MND1: variants seen among roughly 807,000 people sequenced by gnomAD.
MND1 encodes the protein meiotic nuclear divisions 1, also known as meiotic nuclear division protein 1 homolog.
MND1 carries 28 observed loss-of-function variants against 35.1 expected under a neutral mutation model. That is an observed-to-expected ratio of 0.80 (90% CI 0.59 to 1.09). The LOEUF (loss-of-function observed/expected upper bound fraction) is 1.09. Among genes scored for constraint, MND1 ranks in the 50% least tolerant of loss-of-function variants. MND1 has a pLI of 0.00. For synonymous variants in MND1, 69 were observed against 70.5 expected (o/e 0.98, Z 0.11); for missense variants, 213 against 239.6 (o/e 0.89, Z 0.73).
chr4:153,408,527 A>C (rs1206798060), intron 6 of MND1, among the ~76,000 whole-genome samples: 2 of 152,106 alleles, frequency 1.3e-5, no homozygotes, highest in Admixed American at 1.3e-4. Context: ...CTTATCCCTA[A>C]AATTTTTTTT....
intron 4 of MND1, among the ~76,000 whole-genome samples, chr4:153,393,829 T>C (rs765229366): frequency 6.6e-6 from 1 of 151,202 alleles, no homozygotes; most frequent in Non-Finnish European, 1.5e-5. Flanking sequence ...TTTTTTAAAC[T>C]CTTTTTTTTT....
chr4:153,412,489 T>G (rs1443907079), intron 7 of MND1, among the ~76,000 whole-genome samples: 1 of 151,760 alleles, frequency 6.6e-6, no homozygotes, highest in African/African-American at 2.4e-5. Context: ...ATTTCCTTTT[T>G]TTTTTTTTTT....
intron 4 of MND1, among the ~76,000 whole-genome samples, chr4:153,384,318 T>C (rs1306060533): frequency 7.0e-5 from 10 of 143,518 alleles, no homozygotes; most frequent in African/African-American, 2.6e-4. Flanking sequence ...TTGCACAGGC[T>C]GGAGTGTAGT....
chr4:153,361,843 A>G (rs7669625), intron 4 of MND1, among the ~76,000 whole-genome samples: 2 of 87,384 alleles, frequency 2.3e-5, no homozygotes, highest in African/African-American at 5.6e-5. Context: ...AAAAAAAAGA[A>G]AAAAAAAAGA....
chr4:153,413,027 G>A (rs1012255544), intron 7 of MND1, among the ~76,000 whole-genome samples: 1 of 151,960 alleles, frequency 6.6e-6, no homozygotes, highest in Non-Finnish European at 1.5e-5. Context: ...GGATGGTCTC[G>A]ATCTCTTGAC....
chr4:153,381,093 G>A (rs1390839575), intron 4 of MND1, among the ~76,000 whole-genome samples: 2 of 152,074 alleles, frequency 1.3e-5, no homozygotes, highest in Non-Finnish European at 2.9e-5. Context: ...TAGAGACAGG[G>A]TTTCAACGTG....
At chr4:153,363,933 C>T (rs965583818) in intron 4 of MND1, among the ~76,000 whole-genome samples, 9 of 152,078 alleles carry the variant, frequency 5.9e-5, no homozygotes, top group African/African-American at 2.2e-4. Flanking sequence ...AGGATGGCTA[C>T]TATCAAAAAC....
chr4:153,350,089 A>C lies in MND1; in HGVS notation c.29A>C (p.Glu10Ala). 1 of 1,607,348 alleles carries C rather than the reference A, an allele frequency of 6.2e-7. No homozygotes were observed. The highest frequency in any genetic ancestry group is 1.7e-5 in the Admixed American group (1 of 58,674). Residue 10 changes from glutamate (E) to alanine (A), a missense_variant, in exon 2 of 8, where the codon GAA becomes GCA. By Grantham distance (107) the Glu-to-Ala change is moderately radical. Transcript: ENST00000240488. ...TCAAAGAAAAAAGGACTGAGTGCAG[A>C]AGAAAAGAGAACTCGCATGATGGAA... MSKKKGLSA[E>A]EKRTRMMEIF...
intron 4 of MND1, 50 bp downstream of exon 4, chr4:153,358,672 G>T: frequency 6.6e-7 from 1 of 1,526,036 alleles, no homozygotes; most frequent in Non-Finnish European, 8.8e-7. Context: ...ACGGAGAGTT[G>T]TTTTACTTCA....
chr4:153,371,544 G>C (rs1773789385), intron 4 of MND1, among the ~76,000 whole-genome samples: 1 of 152,002 alleles, frequency 6.6e-6, no homozygotes, highest in African/African-American at 2.4e-5. Context: ...AACTTTATGA[G>C]TCAACCTCTT....
chr4:153,356,573 A>AG (rs1773347472), intron 3 of MND1, among the ~76,000 whole-genome samples: 1 of 150,318 alleles, frequency 6.7e-6, no homozygotes, highest in Non-Finnish European at 1.5e-5. Context: ...AAAAAAAAAA[A>AG]AAAGATATGT....
At chr4:153,392,736 C>A (rs1371876324) in intron 4 of MND1, among the ~76,000 whole-genome samples, 2 of 152,186 alleles carry the variant, frequency 1.3e-5, no homozygotes, top group Non-Finnish European at 2.9e-5. Context: ...TATCTATAGT[C>A]TCCTTATGCT....
intron 7 of MND1, among the ~76,000 whole-genome samples, chr4:153,412,126 T>G (rs1360662913): frequency 2.0e-5 from 3 of 152,242 alleles, no homozygotes; most frequent in African/African-American, 7.2e-5. Flanking sequence ...TAATATCTGT[T>G]GACATTCCAT....
chr4:153,393,567 T>G (rs989348043), intron 4 of MND1, among the ~76,000 whole-genome samples: 2 of 151,794 alleles, frequency 1.3e-5, no homozygotes, highest in African/African-American at 2.4e-5. Flanking sequence ...TTTGTTGAGA[T>G]GGGGTTTTGC....
At chr4:153,348,239 T>A (rs948490024) in intron 1 of MND1, among the ~76,000 whole-genome samples, 3 of 152,030 alleles carry the variant, frequency 2.0e-5, no homozygotes, top group African/African-American at 7.2e-5. Flanking sequence ...GTACCTAGGA[T>A]GACTGTCAGG....
intron 1 of MND1, 117 bp downstream of exon 1, chr4:153,344,857 C>G (rs1196143360): frequency 3.4e-6 from 5 of 1,489,432 alleles, no homozygotes; most frequent in Non-Finnish European, 4.5e-6. Context: ...GCCGCGGGAG[C>G]GGTCGCCCGG....
intron 3 of MND1, among the ~76,000 whole-genome samples, chr4:153,356,552 C>CAAAAAAA (rs34763120): frequency 1.0e-4 from 6 of 60,048 alleles, no homozygotes; most frequent in East Asian, 6.3e-4. Context: ...AACTCAGTCT[C>CAAAAAAA]AAAAAAAAAA....
Position 153,394,331 on chromosome 4 carries a change from G to A in MND1, c.346G>A (p.Glu116Lys). Residue 116 changes from glutamate to lysine, a missense_variant, in exon 5 of 8, where the codon GAA becomes AAA. Transcript: ENST00000240488. ...SIEKAKIGRCETEERTRLAKE... is the reference protein window; with the variant it reads ...SIEKAKIGRCKTEERTRLAKE... ...TGAGAAAGCTAAAATTGGCCGATGT[G>A]AAACGGTAAGTTTGTGTCTATAGAT... is the stretch of plus-strand genomic sequence containing the variant. 6.2e-7 allele frequency: 1 copy of A among 1,611,182 alleles called. No homozygotes were observed. The highest frequency in any genetic ancestry group is 8.5e-7 in the Non-Finnish European group (1 of 1,178,016).
chr4:153,374,989 C>G (rs1728460200), intron 4 of MND1, among the ~76,000 whole-genome samples: 1 of 152,090 alleles, frequency 6.6e-6, no homozygotes. Flanking sequence ...AGAATTTACA[C>G]TTTAATTGGT....
Sources: gnomAD v4.1 joint callset for allele counts (sites outside exome capture counted in the v4.1 genomes callset) on GRCh38, gnomAD v4.1.1 for gene constraint, MANE v1.5 for transcripts, NCBI Gene and HGNC (gene_info 2026-07-23, HGNC 2026-07-21) for gene names.